The following LRRC53 variants were observed in gnomAD, a reference collection of about 807,000 sequenced individuals.
LRRC53 encodes leucine-rich repeat-containing protein 53.
Under a neutral mutation model 13.6 loss-of-function variants are expected in LRRC53, and 25 were observed. The ratio of observed to expected loss-of-function variants is 1.83; its 90% CI spans 1.34 to 2.56. LRRC53 has a LOEUF of 2.56. LRRC53 is among the 30% of genes most tolerant of loss of function. The probability of loss-of-function intolerance (pLI) is 0.00; values close to 1 mark genes in which losing one functional copy is unlikely to be tolerated. For synonymous variants in LRRC53, 204 were observed against 109.8 expected (o/e 1.86, Z -5.37); for missense variants, 527 against 275.8 (o/e 1.91, Z -6.45).
rs531325778 is a variant in LRRC53 at position 74,493,604 on chromosome 1, A to C, written c.-26-10229T>G. ...CCCATCCCAGAATTCAGGGATATAC[A>C]ATCATAATCATTTATTTCTTGCTCA... On this transcript the variant is annotated intron_variant, in intron 1 of 4. Transcript: ENST00000294635. Among the ~76,000 whole-genome samples, 6 of 152,310 alleles carry C rather than the reference A, an allele frequency of 3.9e-5. No individual in the cohort carries two copies. The East Asian group carries it at 9.6e-4, about 24-fold the overall frequency.
the LRRC53 span, among the ~76,000 whole-genome samples, chr1:74,520,454 C>A: frequency 3.6e-4 from 54 of 152,010 alleles, no homozygotes; most frequent in African/African-American, 1.3e-3. Flanking sequence ...ATGGAGAAAT[C>A]GACCTTCTCA....
chr1:74,504,358 C>T (rs911986384), intron 1 of LRRC53, among the ~76,000 whole-genome samples: 2 of 152,110 alleles, frequency 1.3e-5, no homozygotes, highest in East Asian at 1.9e-4. Flanking sequence ...ACGAGTGAGG[C>T]CTCCTCCAGC....
chr1:74,481,726 G>C (rs274586), intron 2 of LRRC53, among the ~76,000 whole-genome samples: 68,029 of 151,974 alleles, frequency 0.45, 17,561 homozygotes, highest in East Asian at 0.67. Flanking sequence ...TCTGTCATTA[G>C]AAATCAAAGC....
chr1:74,472,206 G>A lies in LRRC53; in HGVS notation c.1421-5C>T. The A allele has an allele frequency of 1.4e-6, 1 of 715,916 alleles. No homozygotes were observed. Among genetic ancestry groups the A allele is most frequent in the Non-Finnish European group, 2.6e-6 (1 of 384,310 alleles). 44.3% of individuals were successfully genotyped at this position (715,916 alleles called of 1,614,324 possible). A position where few individuals can be genotyped will look rare whatever the true frequency, so the allele number is the denominator to read the frequency against. ...TAAATATGTCACTGCTGATATCTGT[G>A]GAACAATAAATGCAAGAATTTAGCA... On this transcript the variant is annotated splice_region_variant and splice_polypyrimidine_tract_variant and intron_variant, in intron 4 of 4. Transcript: ENST00000294635.
chr1:74,479,515 G>A (rs1365598558), intron 3 of LRRC53, among the ~76,000 whole-genome samples: 1 of 152,192 alleles, frequency 6.6e-6, no homozygotes, highest in Non-Finnish European at 1.5e-5. Flanking sequence ...GCACAGAGAA[G>A]TTAGATAATG....
chr1:74,474,610 C>G (rs148699724), intron 4 of LRRC53, among the ~76,000 whole-genome samples: 1 of 152,236 alleles, frequency 6.6e-6, no homozygotes, highest in Non-Finnish European at 1.5e-5. Flanking sequence ...TCAACATTTT[C>G]ACTGCTGAGC....
the LRRC53 span, among the ~76,000 whole-genome samples, chr1:74,534,357 A>G: frequency 2.6e-5 from 4 of 152,212 alleles, no homozygotes; most frequent in East Asian, 7.7e-4. Context: ...TACCCATCTG[A>G]AGTCTTCTTT....
Position 74,503,502 on chromosome 1 carries a change from A to C in LRRC53, c.-27+9024T>G, listed in dbSNP as rs1669739205. 2.0e-5 allele frequency among the ~76,000 whole-genome samples: 3 copies of C among 152,184 alleles called. No individual in the cohort carries two copies. In the South Asian group the frequency reaches 6.2e-4, roughly 31 times the overall value. On this transcript the variant is annotated intron_variant, in intron 1 of 4. Transcript: ENST00000294635. Reference sequence around the variant, plus strand: ...AGAGTTGTCTTTCTTACTCAGTGACACTGTTGACTTAAGTTCTATGGATCT... The same window carrying C: ...AGAGTTGTCTTTCTTACTCAGTGACCCTGTTGACTTAAGTTCTATGGATCT...
intron 1 of LRRC53, among the ~76,000 whole-genome samples, chr1:74,498,322 G>T (rs1177956764): frequency 6.6e-6 from 1 of 152,124 alleles, no homozygotes; most frequent in Non-Finnish European, 1.5e-5. Context: ...ACTATGTCAT[G>T]AAGAAGTATT....
rs1316982928 is a variant in LRRC53, at chr1:74,512,538, C to CAGCTTGT, written c.-46_-40dup. ...GAAATTAACTTACCCAAAGGTCTCACAGCTTGTAGTTTGTGAATCTCTACA... is the reference window on the plus strand; with the variant it reads ...GAAATTAACTTACCCAAAGGTCTCACAGCTTGTAGCTTGTAGTTTGTGAATCTCTACA... On this transcript the variant is annotated 5_prime_UTR_variant, in exon 1 of 5. Coordinates refer to ENST00000294635, the MANE Select transcript of LRRC53 (RefSeq NM_001382280.1). The CAGCTTGT allele has an allele frequency of 1.3e-5, 2 of 152,200 alleles. No individual in the cohort carries two copies. Among genetic ancestry groups the CAGCTTGT allele is most frequent in the African/African-American group, 2.4e-5 (1 of 41,450 alleles). 9.4% of individuals were successfully genotyped at this position (152,200 alleles called of 1,614,324 possible). A position where few individuals can be genotyped will look rare whatever the true frequency, so the allele number is the denominator to read the frequency against.
chr1:74,475,838 G>T (rs2100748987), intron 3 of LRRC53, 28 bp from the exon 4 acceptor site: 1 of 543,494 alleles, frequency 1.8e-6, no homozygotes, highest in South Asian at 3.3e-5. Context: ...ACCATTAAAA[G>T]ATAACATCTT....
At chr1:74,507,722 A>G (rs1022361280) in intron 1 of LRRC53, among the ~76,000 whole-genome samples, 3 of 152,212 alleles carry the variant, frequency 2.0e-5, no homozygotes, top group African/African-American at 7.2e-5. Flanking sequence ...AACTTGTTTT[A>G]GCCATGTTGG....
the LRRC53 span, among the ~76,000 whole-genome samples, chr1:74,532,720 T>C: frequency 6.0e-5 from 9 of 150,194 alleles, no homozygotes; most frequent in African/African-American, 2.2e-4. Context: ...AACAGAGATA[T>C]AGATCAATGG....
At chr1:74,477,196 C>T (rs965529993) in intron 3 of LRRC53, among the ~76,000 whole-genome samples, 11 of 152,078 alleles carry the variant, frequency 7.2e-5, no homozygotes, top group African/African-American at 1.2e-4. Context: ...ATTAGAACCA[C>T]TCTTTAACTC....
rs1668385301 is a variant in LRRC53 at position 74,479,748 on chromosome 1, C to A, written c.904+405G>T. 2.0e-5 allele frequency among the ~76,000 whole-genome samples: 3 copies of A among 152,172 alleles called. No homozygotes were observed. In the South Asian group the frequency reaches 6.2e-4, roughly 31 times the overall value. ...AGTGCCTTGAGGAAAGAGTCTATGT[C>A]CCATCAGTTTTTAAATATCTATCTC... On this transcript the variant is annotated intron_variant, in intron 3 of 4. Coordinates refer to ENST00000294635, the MANE Select transcript of LRRC53 (RefSeq NM_001382280.1).
upstream of LRRC53, among the ~76,000 whole-genome samples, chr1:74,516,877 G>T (rs1352831757): frequency 1.3e-5 from 2 of 152,094 alleles, no homozygotes; most frequent in East Asian, 1.9e-4. Flanking sequence ...CTTATTGCCA[G>T]TTCACAAAAA....
intron 1 of LRRC53, chr1:74,492,084 C>G (rs1669106892): frequency 1.3e-6 from 2 of 1,510,756 alleles, no homozygotes; most frequent in South Asian, 2.7e-5. Context: ...GAAATTGCCC[C>G]TCCTCCACTC....
chr1:74,470,761 T>C lies in LRRC53; in HGVS notation c.2861A>G (p.His954Arg). Reference sequence around the variant, plus strand: ...TGCATGACTTGAATTTTGCTCTCTGTGTTGTAAGGCTTCATTTTGGTCTAA... The same window carrying C: ...TGCATGACTTGAATTTTGCTCTCTGCGTTGTAAGGCTTCATTTTGGTCTAA... ...YTLDQNEALQ[H>R]REQNSSHAQL... The change falls in exon 5 of 5, where the codon CAC becomes CGC. Residue 954 changes from histidine to arginine, a missense_variant. His to Arg is a conservative substitution (Grantham distance 29). Coordinates refer to ENST00000294635, the MANE Select transcript of LRRC53 (RefSeq NM_001382280.1). 1 of 400,722 alleles carries C rather than the reference T, an allele frequency of 2.5e-6. No homozygotes were observed. Among genetic ancestry groups the C allele is most frequent in the Non-Finnish European group, 4.4e-6 (1 of 226,170 alleles). The allele number at this position is 400,722 out of a possible 1,614,324, so 24.8% of individuals were successfully genotyped here. A position where few individuals can be genotyped will look rare whatever the true frequency, so the allele number is the denominator to read the frequency against.
At chr1:74,519,058 G>T in the LRRC53 span, among the ~76,000 whole-genome samples, 1 of 84,670 alleles carries the variant, frequency 1.2e-5, no homozygotes, top group East Asian at 3.2e-4. Context: ...ACAGTCCCCA[G>T]AGTGTGATAT....
Sources: allele counts gnomAD v4.1 joint callset (sites outside exome capture counted in the v4.1 genomes callset), GRCh38; gene constraint gnomAD v4.1.1; transcripts MANE v1.5; gene names NCBI Gene and HGNC (gene_info 2026-07-23, HGNC 2026-07-21).